Variants in IFNG-AS1 observed in about 807,000 individuals in gnomAD.
IFNG-AS1 encodes the protein IFNG antisense RNA 1 (non-protein coding).
intron 3 of IFNG-AS1, among the ~76,000 whole-genome samples, chr12:68,008,224 G>A (rs1879948855): frequency 6.6e-6 from 1 of 152,074 alleles, no homozygotes; most frequent in Non-Finnish European, 1.5e-5. Context: ...AGACCATCCT[G>A]GCTAACACGG....
At chr12:67,996,739 T>C (rs550046472) in intron 2 of IFNG-AS1, among the ~76,000 whole-genome samples, 142 of 152,334 alleles carry the variant, frequency 9.3e-4, no homozygotes, top group Non-Finnish European at 1.5e-3. Context: ...CATAGGATAT[T>C]GATTTAAAAA....
At chr12:67,994,338 T>A (rs1879584701) in intron 1 of IFNG-AS1, among the ~76,000 whole-genome samples, 1 of 152,328 alleles carries the variant, frequency 6.6e-6, no homozygotes, top group South Asian at 2.1e-4. Flanking sequence ...CCAGTTTCAT[T>A]CATATCCGTC....
chr12:68,003,073 A>T (rs1179199033), intron 2 of IFNG-AS1, among the ~76,000 whole-genome samples: 3 of 152,236 alleles, frequency 2.0e-5, no homozygotes, highest in Non-Finnish European at 4.4e-5. Flanking sequence ...ACTTTTTAAT[A>T]ATAGTACTAG....
intron 1 of IFNG-AS1, among the ~76,000 whole-genome samples, chr12:67,995,094 G>A (rs942082776): frequency 2.6e-5 from 4 of 152,128 alleles, no homozygotes; most frequent in African/African-American, 9.7e-5. Context: ...TATTGCCAGG[G>A]TTGGACCAGG....
chr12:67,999,930 C>T (rs1879729461), intron 2 of IFNG-AS1, among the ~76,000 whole-genome samples: 1 of 152,116 alleles, frequency 6.6e-6, no homozygotes, highest in African/African-American at 2.4e-5. Context: ...ACAAAAAGGA[C>T]CCATGATATA....
intron 3 of IFNG-AS1, among the ~76,000 whole-genome samples, chr12:68,012,457 C>G (rs965632438): frequency 6.6e-6 from 1 of 152,148 alleles, no homozygotes; most frequent in African/African-American, 2.4e-5. Flanking sequence ...CTATGCTCAA[C>G]CAGGGGAATG....
intron 2 of IFNG-AS1, among the ~76,000 whole-genome samples, chr12:68,003,077 G>C (rs116762995): frequency 0.011 from 1,734 of 151,990 alleles, 37 homozygotes; most frequent in African/African-American, 0.039. Flanking sequence ...TTTAATAATA[G>C]TACTAGATAT....
intron 2 of IFNG-AS1, among the ~76,000 whole-genome samples, chr12:68,005,482 CA>C (rs915740964): frequency 6.6e-6 from 1 of 151,848 alleles, no homozygotes; most frequent in African/African-American, 2.4e-5. Context: ...GCTCAAACAG[CA>C]AAAAAACCCA....
intron 1 of IFNG-AS1, among the ~76,000 whole-genome samples, chr12:67,989,785 T>C (rs1230922334): frequency 6.6e-6 from 1 of 152,184 alleles, no homozygotes; most frequent in African/African-American, 2.4e-5. Flanking sequence ...ATGGCTGGAA[T>C]GTCTCCACTG....
chr12:68,007,129 C>G (rs905540129), intron 3 of IFNG-AS1, among the ~76,000 whole-genome samples: 64 of 152,168 alleles, frequency 4.2e-4, no homozygotes, highest in Admixed American at 1.8e-3. Context: ...CAACACCACC[C>G]CTCCTTGTTG....
chr12:68,017,625 T>A, intron 3 of IFNG-AS1, among the ~76,000 whole-genome samples: 1 of 152,204 alleles, frequency 6.6e-6, no homozygotes, highest in East Asian at 1.9e-4. Flanking sequence ...TGGAGCCATT[T>A]ACCAAGGGGA....
chr12:68,013,350 C>G (rs1278269952), intron 3 of IFNG-AS1, among the ~76,000 whole-genome samples: 13 of 152,206 alleles, frequency 8.5e-5, no homozygotes, highest in Non-Finnish European at 1.3e-4. Flanking sequence ...CTTCCTCTGG[C>G]AGCAGTTACA....
intron 2 of IFNG-AS1, among the ~76,000 whole-genome samples, chr12:68,003,284 T>A (rs1245424063): frequency 6.6e-6 from 1 of 152,210 alleles, no homozygotes; most frequent in Admixed American, 6.5e-5. Flanking sequence ...AACCATCTTT[T>A]GAATCTTCCT....
chr12:67,989,621 T>A (rs1469949164), intron 1 of IFNG-AS1: 1 of 152,220 alleles, frequency 6.6e-6, no homozygotes, highest in Non-Finnish European at 1.5e-5. Flanking sequence ...TAAATTACAT[T>A]TTTAAACAAA....
At chr12:67,996,940 A>G (rs1173805451) in intron 2 of IFNG-AS1, among the ~76,000 whole-genome samples, 1 of 152,206 alleles carries the variant, frequency 6.6e-6, no homozygotes, top group Non-Finnish European at 1.5e-5. Context: ...GTTCAAGTTA[A>G]GAAAAGGCAT....
chr12:68,003,424 CCT>C (rs748062183), intron 2 of IFNG-AS1, among the ~76,000 whole-genome samples: 2,979 of 136,424 alleles, frequency 0.022, 46 homozygotes, highest in Non-Finnish European at 0.032. Context: ...CATATTCCCC[CCT>C]TTTTTTTTTT....
intron 2 of IFNG-AS1, among the ~76,000 whole-genome samples, chr12:67,999,594 A>G (rs1446799829): frequency 6.6e-6 from 1 of 152,236 alleles, no homozygotes; most frequent in African/African-American, 2.4e-5. Context: ...TATAGCATAT[A>G]GAATAAAATA....
At chr12:67,999,307 T>C (rs1180419106) in intron 2 of IFNG-AS1, among the ~76,000 whole-genome samples, 1 of 152,182 alleles carries the variant, frequency 6.6e-6, no homozygotes, top group Non-Finnish European at 1.5e-5. Context: ...ATGACACCAG[T>C]AGCAATGAAC....
chr12:68,017,425 T>C lies in IFNG-AS1; in HGVS notation n.242-2437T>C, dbSNP rs568629364. Among the ~76,000 whole-genome samples the C allele has an allele frequency of 7.9e-5, 12 of 152,152 alleles. No homozygotes were observed. In the South Asian group the frequency reaches 1.0e-3, roughly 13 times the overall value. ...GATTAGAAGGGAAGCTGAAAGATCA[T>C]TGGGTTTGCAGAGGCTTGGATTTGA... On this transcript the variant is annotated intron_variant and non_coding_transcript_variant, in intron 3 of 5. Coordinates refer to ENST00000536914, the Ensembl canonical transcript of IFNG-AS1.
Sources: gnomAD v4.1 joint callset for allele counts (sites outside exome capture counted in the v4.1 genomes callset) on GRCh38, gnomAD v4.1.1 for gene constraint, MANE v1.5 for transcripts, NCBI Gene and HGNC (gene_info 2026-07-23, HGNC 2026-07-21) for gene names.